Variants in DLG1 observed in about 807,000 individuals in gnomAD.
The protein encoded by DLG1 is discs large MAGUK scaffold protein 1.
In DLG1, 42 loss-of-function variants were observed where a neutral mutation model predicts 123.4. The observed-to-expected ratio is 0.34, with a 90% CI of 0.27 to 0.44. DLG1 has a LOEUF of 0.44. Ranked by LOEUF, DLG1 falls within the 20% of genes least tolerant of loss-of-function variation. The probability of loss-of-function intolerance (pLI) is 1.00; values close to 1 mark genes in which losing one functional copy is unlikely to be tolerated. For synonymous variants in DLG1, 317 were observed against 356.2 expected (o/e 0.89, Z 1.24); for missense variants, 942 against 1,082.6 (o/e 0.87, Z 1.82).
At chr3:197,082,012 T>A (rs939264470) in intron 16 of DLG1, among the ~76,000 whole-genome samples, 1 of 152,232 alleles carries the variant, frequency 6.6e-6, no homozygotes, top group African/African-American at 2.4e-5. Context: ...TGAATTTTAT[T>A]TTTTCCTTAT....
At chr3:197,280,339 G>GTA (rs1043047537) in intron 4 of DLG1, among the ~76,000 whole-genome samples, 3 of 36,792 alleles carry the variant, frequency 8.2e-5, no homozygotes, top group African/African-American at 2.4e-4. Flanking sequence ...AGTCCATTTT[G>GTA]TGTGTGTGTG....
At chr3:197,197,196 T>C (rs560965028) in intron 4 of DLG1, among the ~76,000 whole-genome samples, 2 of 152,348 alleles carry the variant, frequency 1.3e-5, no homozygotes, top group South Asian at 4.1e-4. Flanking sequence ...CCGTATTTCC[T>C]GTAAATTGGT....
Position 197,059,974 on chromosome 3 carries a change from A to G in DLG1, c.2398T>C (p.Ser800Pro). 1 of 1,613,808 alleles carries G rather than the reference A, an allele frequency of 6.2e-7. No homozygotes were observed. Among genetic ancestry groups the G allele is most frequent in the Non-Finnish European group, 8.5e-7 (1 of 1,179,852 alleles). ...EKGKHCILDV[S>P]GNAIKRLQIA... ...TGTAATCTCTTTATGGCATTTCCAG[A>G]CACATCAAGGATACAGTGTTTGCCC... The change falls in exon 23 of 25, where the codon TCT (serine) becomes CCT (proline). Residue 800 changes from serine (S) to proline (P), a missense_variant. Ser to Pro is a moderately conservative substitution (Grantham distance 74). Transcript: ENST00000667157.
chr3:197,201,646 A>G (rs1335752907), intron 4 of DLG1, among the ~76,000 whole-genome samples: 2 of 152,222 alleles, frequency 1.3e-5, no homozygotes, highest in African/African-American at 4.8e-5. Context: ...GAAAACTACA[A>G]AACAGTGATG....
chr3:197,219,170 T>C (rs533785470), intron 4 of DLG1, among the ~76,000 whole-genome samples: 31 of 151,974 alleles, frequency 2.0e-4, no homozygotes, highest in African/African-American at 6.5e-4. Context: ...AAAACTCAGA[T>C]TACCAAAACG....
At chr3:197,135,703 T>A (rs1160858301) in intron 10 of DLG1, among the ~76,000 whole-genome samples, 1 of 152,098 alleles carries the variant, frequency 6.6e-6, no homozygotes, top group Non-Finnish European at 1.5e-5. Context: ...AAAGCAATAT[T>A]GAGTGAAAAA....
chr3:197,298,470 C>T (rs1424914791), intron 1 of DLG1, 66 bp downstream of exon 1: 1 of 398,654 alleles, frequency 2.5e-6, no homozygotes, highest in African/African-American at 2.1e-5. Flanking sequence ...CGCGCCAGGC[C>T]GGGAAGGCTC....
chr3:197,166,507 T>C (rs1200189300), intron 5 of DLG1, among the ~76,000 whole-genome samples: 1 of 152,172 alleles, frequency 6.6e-6, no homozygotes, highest in African/African-American at 2.4e-5. Context: ...CTGCTAACTA[T>C]GAGGACCTGG....
chr3:197,143,863 G>C (rs1789325449), intron 6 of DLG1, among the ~76,000 whole-genome samples: 3 of 152,048 alleles, frequency 2.0e-5, no homozygotes, highest in Non-Finnish European at 4.4e-5. Flanking sequence ...AAGATATCTT[G>C]GTCACAATTT....
intron 22 of DLG1, among the ~76,000 whole-genome samples, chr3:197,064,831 G>C (rs1442893905): frequency 6.6e-6 from 1 of 151,640 alleles, no homozygotes; most frequent in Non-Finnish European, 1.5e-5. Flanking sequence ...TTAAGAGCCA[G>C]GGTCTTGTTC....
intron 5 of DLG1, among the ~76,000 whole-genome samples, chr3:197,162,407 C>T (rs567532531): frequency 6.6e-6 from 1 of 152,092 alleles, no homozygotes; most frequent in African/African-American, 2.4e-5. Context: ...TAATAAGACC[C>T]ATTTGCTATA....
intron 4 of DLG1, among the ~76,000 whole-genome samples, chr3:197,266,002 A>T (rs1761518483): frequency 6.6e-6 from 1 of 152,232 alleles, no homozygotes; most frequent in Admixed American, 6.5e-5. Context: ...GTGAGCCGAG[A>T]TCATGCCACG....
intron 4 of DLG1, among the ~76,000 whole-genome samples, chr3:197,270,707 G>A (rs67783224): frequency 0.17 from 25,943 of 151,994 alleles, 2,475 homozygotes; most frequent in African/African-American, 0.25. Context: ...TACCTTTCCC[G>A]TGGAAGATCT....
At chr3:197,164,334 T>C (rs1800215519) in intron 5 of DLG1, among the ~76,000 whole-genome samples, 1 of 151,516 alleles carries the variant, frequency 6.6e-6, no homozygotes, top group African/African-American at 2.4e-5. Flanking sequence ...AAGGTGGAGG[T>C]TGCGGTGAGC....
At position 197,051,833 on chromosome 3, in the gene DLG1, A is replaced by ATTTT. The variant is rs35979905; in HGVS notation, c.2484-169_2484-166dup. On this transcript the variant is annotated intron_variant, in intron 23 of 24. Coordinates refer to ENST00000667157, the MANE Select transcript of DLG1 (RefSeq NM_001366207.1). Reference sequence around the variant, plus strand: ...TGAGTCATTCTGGTCATTTCTGGGAATTTTTTTTTTTTTTTTTTTTTTTTT... The same window carrying ATTTT: ...TGAGTCATTCTGGTCATTTCTGGGAATTTTTTTTTTTTTTTTTTTTTTTTTTTTT... 1.1e-3 allele frequency among the ~76,000 whole-genome samples: 95 copies of ATTTT among 90,286 alleles called. 5 individuals are homozygous for ATTTT. Among genetic ancestry groups the ATTTT allele is most frequent in the Middle Eastern group, 6.8e-3 (1 of 148 alleles). 59.2% of individuals were successfully genotyped at this position (90,286 alleles called of 152,430 possible). A position where few individuals can be genotyped will look rare whatever the true frequency, so the allele number is the denominator to read the frequency against.
At chr3:197,280,183 C>A (rs1399732929) in intron 4 of DLG1, among the ~76,000 whole-genome samples, 1 of 152,102 alleles carries the variant, frequency 6.6e-6, no homozygotes, top group Non-Finnish European at 1.5e-5. Context: ...CTACTCTTTA[C>A]CTCCATGAGA....
At chr3:197,092,276 A>G (rs1211588309) in intron 14 of DLG1, among the ~76,000 whole-genome samples, 2 of 152,214 alleles carry the variant, frequency 1.3e-5, no homozygotes, top group Non-Finnish European at 2.9e-5. Context: ...CTCCTATTTT[A>G]GCGTTGTATC....
Position 197,151,516 on chromosome 3 carries a change from A to G in DLG1, c.484-1720T>C, listed in dbSNP as rs568819939. ...TATTTACTTCAAAATAAAACAATGGAAGGTTGGGAGTAGGAGGGGTTATGA... is the reference window on the plus strand; with the variant it reads ...TATTTACTTCAAAATAAAACAATGGGAGGTTGGGAGTAGGAGGGGTTATGA... On this transcript the variant is annotated intron_variant, in intron 5 of 24. Transcript: ENST00000667157. 5.2e-4 allele frequency among the ~76,000 whole-genome samples: 79 copies of G among 152,284 alleles called. 1 individual carries two copies. In the South Asian group the frequency reaches 0.014, roughly 26 times the overall value.
At chr3:197,068,215 C>G (rs1283507554) in intron 19 of DLG1, among the ~76,000 whole-genome samples, 1 of 152,110 alleles carries the variant, frequency 6.6e-6, no homozygotes, top group Non-Finnish European at 1.5e-5. Flanking sequence ...TACATACTAG[C>G]AAACACATGC....
Sources: gnomAD v4.1 joint callset for allele counts (sites outside exome capture counted in the v4.1 genomes callset) on GRCh38, gnomAD v4.1.1 for gene constraint, MANE v1.5 for transcripts, NCBI Gene and HGNC (gene_info 2026-07-23, HGNC 2026-07-21) for gene names.